PTPA: variants seen among roughly 807,000 people sequenced by gnomAD.
The protein encoded by PTPA is serine/threonine-protein phosphatase 2A activator.
A neutral mutation model predicts 43.6 loss-of-function variants in PTPA; 13 were observed. That is an observed-to-expected ratio of 0.30 (90% confidence interval 0.19 to 0.47). PTPA has a LOEUF of 0.47. PTPA is among the 20% of genes least tolerant of loss of function. PTPA has a pLI of 0.99. For synonymous variants in PTPA, 172 were observed against 158.2 expected, an observed-to-expected ratio of 1.09 and a Z score of -0.66; for missense variants, 329 against 411.9, an observed-to-expected ratio of 0.80 and a Z score of 1.74.
In PTPA at chr9:129,113,481, T is replaced by C. The variant is rs544868837; in HGVS notation, c.31+1850T>C. 4.6e-5 allele frequency among the ~76,000 whole-genome samples: 7 copies of C among 151,576 alleles called. No homozygotes were observed. The South Asian group carries it at 1.5e-3, about 32-fold the overall frequency. ...AACAAGCTAGCCTTAGAAGTTCTGG[T>C]GATGACTCCGGGCACAGTGGCTCAC... On this transcript the variant is annotated intron_variant, in intron 1 of 9. Transcript: ENST00000393370.
At position 129,137,664 on chromosome 9, in the gene PTPA, TC is replaced by T; in HGVS notation, c.760del (p.Leu254TrpfsTer10). The T allele has an allele frequency of 6.2e-7, 1 of 1,610,978 alleles. No homozygotes were observed. Among genetic ancestry groups the T allele is most frequent in the Non-Finnish European group, 8.5e-7 (1 of 1,178,214 alleles). On this transcript the variant is annotated frameshift_variant, in exon 8 of 10. Coordinates refer to ENST00000393370, the MANE Select transcript of PTPA (RefSeq NM_178000.3). LOFTEE classifies it high-confidence loss of function. Reference sequence around the variant, plus strand: ...AATGAGAACCACAAGGACTACATGTTCCTGGAGTGTATCCTGTTTATTACCG... The same window carrying T: ...AATGAGAACCACAAGGACTACATGTTCTGGAGTGTATCCTGTTTATTACCG... ...AVNENHKDYMFLECILFITEM... is the reference protein window; with the variant it reads ...AVNENHKDYMXLECILFITEM...
rs528248246 is a variant in PTPA at position 129,111,421 on chromosome 9, A to C, written c.-180A>C. On this transcript the variant is annotated 5_prime_UTR_variant, in exon 1 of 10. The change abolishes an upstream ATG in the 5' untranslated region. Coordinates refer to ENST00000393370, the MANE Select transcript of PTPA (RefSeq NM_178000.3). ...TGCTCCCTGAGCGCCCCGCACCGACATGGCGGCCGTCTTCGCTGTGGTGAC... is the reference window on the plus strand; with the variant it reads ...TGCTCCCTGAGCGCCCCGCACCGACCTGGCGGCCGTCTTCGCTGTGGTGAC... 1 of 1,234,250 alleles carries C rather than the reference A, an allele frequency of 8.1e-7. No individual in the cohort carries two copies. The highest frequency in any genetic ancestry group is 1.0e-6 in the Non-Finnish European group (1 of 980,912). The allele number at this position is 1,234,250 out of a possible 1,614,324, so 76.5% of individuals were successfully genotyped here.
At chr9:129,146,899 G>C (rs561769067) in intron 9 of PTPA, among the ~76,000 whole-genome samples, 9 of 152,228 alleles carry the variant, frequency 5.9e-5, no homozygotes, top group Non-Finnish European at 1.3e-4. Context: ...CTCAGTGTCA[G>C]CTGGTTCTTA....
intron 3 of PTPA, among the ~76,000 whole-genome samples, chr9:129,124,174 G>A (rs755822858): frequency 2.0e-5 from 3 of 152,072 alleles, no homozygotes; most frequent in Non-Finnish European, 4.4e-5. Context: ...CTCTTCTCCT[G>A]CAGTGAGCTG....
At chr9:129,130,913 T>G (rs764221427) in intron 4 of PTPA, among the ~76,000 whole-genome samples, 2 of 152,346 alleles carry the variant, frequency 1.3e-5, no homozygotes, top group Middle Eastern at 3.4e-3. Flanking sequence ...TCCATGTTTC[T>G]GAACTTCGTA....
chr9:129,126,459 C>T (rs1314468883), intron 3 of PTPA, among the ~76,000 whole-genome samples: 2 of 152,040 alleles, frequency 1.3e-5, no homozygotes, highest in Admixed American at 6.6e-5. Flanking sequence ...GGATTACAGA[C>T]GTGAGCCACT....
intron 9 of PTPA, among the ~76,000 whole-genome samples, chr9:129,144,099 C>G (rs1045215532): frequency 2.6e-5 from 4 of 151,638 alleles, no homozygotes; most frequent in African/African-American, 9.7e-5. Flanking sequence ...GCTCTAAGGC[C>G]CAAAGGATAG....
chr9:129,145,945 T>A (rs1851268524), intron 9 of PTPA, among the ~76,000 whole-genome samples: 1 of 152,110 alleles, frequency 6.6e-6, no homozygotes, highest in African/African-American at 2.4e-5. Flanking sequence ...AGCCTTAGGC[T>A]TCCTTGGCCC....
At chr9:129,112,007 C>G (rs1278005624) in intron 1 of PTPA, 3 of 233,012 alleles carry the variant, frequency 1.3e-5, no homozygotes, top group Non-Finnish European at 2.5e-5. Flanking sequence ...AAAGTGATTC[C>G]GGAGGCTGCC....
chr9:129,137,254 G>A (rs776390456), intron 7 of PTPA, among the ~76,000 whole-genome samples: 1 of 152,186 alleles, frequency 6.6e-6, no homozygotes, highest in African/African-American at 2.4e-5. Flanking sequence ...GCATGAAGCC[G>A]GCTCTGCTGA....
chr9:129,121,844 G>T (rs571647210), intron 2 of PTPA, among the ~76,000 whole-genome samples: 2 of 152,194 alleles, frequency 1.3e-5, no homozygotes, highest in African/African-American at 4.8e-5. Flanking sequence ...GTCAGGACAG[G>T]GGCTCAGACT....
chr9:129,113,099 G>A (rs973846880), intron 1 of PTPA, among the ~76,000 whole-genome samples: 3 of 151,398 alleles, frequency 2.0e-5, no homozygotes, highest in African/African-American at 7.3e-5. Flanking sequence ...ATGGTTTTGT[G>A]TTTCTTTTTT....
intron 9 of PTPA, chr9:129,143,500 G>GATCC: frequency 1.4e-6 from 1 of 698,844 alleles, no homozygotes. Flanking sequence ...GAGCTTCCTG[G>GATCC]ATCCCATCAG....
intron 3 of PTPA, 148 bp from the exon 4 acceptor site, chr9:129,128,837 A>T: frequency 1.1e-6 from 1 of 938,456 alleles, no homozygotes; most frequent in Non-Finnish European, 1.6e-6. Context: ...CTTCATATTC[A>T]GAACAGTGGG....
intron 3 of PTPA, among the ~76,000 whole-genome samples, chr9:129,124,539 C>T (rs534798334): frequency 3.9e-5 from 6 of 152,158 alleles, no homozygotes; most frequent in African/African-American, 1.2e-4. Flanking sequence ...CTGGTGGGTG[C>T]TTTTTGGACG....
In PTPA at chr9:129,143,644, A is replaced by G. The variant is rs1404042699; in HGVS notation, c.894+1092A>G. 1.7e-5 allele frequency: 9 copies of G among 530,030 alleles called. No individual in the cohort carries two copies. The East Asian group carries it at 2.7e-4, about 16-fold the overall frequency. The allele number at this position is 530,030 out of a possible 1,614,324, so 32.8% of individuals were successfully genotyped here. On this transcript the variant is annotated intron_variant, in intron 9 of 9. Coordinates refer to ENST00000393370, the MANE Select transcript of PTPA (RefSeq NM_178000.3). ...CTTGAACTGAACAGACCGGGCCCTC[A>G]CTCCCTTCCGCCCCCTCCCCCTTTG...
intron 9 of PTPA, 55 bp downstream of exon 9, chr9:129,142,607 T>A: frequency 6.2e-7 from 1 of 1,606,502 alleles, no homozygotes; most frequent in South Asian, 1.1e-5. Context: ...GGTCCTGGGC[T>A]GGGGACAAAG....
At chr9:129,128,710 G>A (rs1849749699) in intron 3 of PTPA, among the ~76,000 whole-genome samples, 1 of 152,146 alleles carries the variant, frequency 6.6e-6, no homozygotes, top group African/African-American at 2.4e-5. Flanking sequence ...CTTCTCTATA[G>A]CAGCAGCCCA....
chr9:129,125,139 A>T (rs1165192261), intron 3 of PTPA, among the ~76,000 whole-genome samples: 1 of 152,226 alleles, frequency 6.6e-6, no homozygotes, highest in Non-Finnish European at 1.5e-5. Context: ...TCAGTGGGCC[A>T]GGAATGTCGT....
Sources: gnomAD v4.1 joint callset for allele counts (sites outside exome capture counted in the v4.1 genomes callset) on GRCh38, gnomAD v4.1.1 for gene constraint, MANE v1.5 for transcripts, NCBI Gene and HGNC (gene_info 2026-07-23, HGNC 2026-07-21) for gene names.